CFDP1: variants seen among roughly 807,000 people sequenced by gnomAD.
CFDP1 encodes the protein chromatin remodeling protein CFDP1, also known as heterochromatin-stabilizing protein CFDP1.
CFDP1 carries 31 observed loss-of-function variants against 40.1 expected under a neutral mutation model. The ratio of observed to expected loss-of-function variants is 0.77; its 90% CI spans 0.58 to 1.04. The LOEUF is 1.04. Ranked by LOEUF, CFDP1 falls within the 50% of genes least tolerant of loss-of-function variation. CFDP1 has a pLI of 0.00. For synonymous variants in CFDP1, 167 were observed against 120.0 expected (o/e 1.39, Z -2.56); for missense variants, 423 against 343.4 (o/e 1.23, Z -1.83).
chr16:75,350,348 C>T (rs1335005165), intron 5 of CFDP1, among the ~76,000 whole-genome samples: 1 of 152,152 alleles, frequency 6.6e-6, no homozygotes, highest in Admixed American at 6.5e-5. Context: ...TATATCCAAC[C>T]AGCAAGGTAT....
intron 5 of CFDP1, among the ~76,000 whole-genome samples, chr16:75,337,693 G>GCAC (rs2078498988): frequency 6.6e-6 from 1 of 152,116 alleles, no homozygotes; most frequent in Admixed American, 6.5e-5. Flanking sequence ...AGAAGTGGGA[G>GCAC]GTGCCACACA....
At chr16:75,399,401 T>C (rs1386886637) in intron 4 of CFDP1, among the ~76,000 whole-genome samples, 1 of 152,206 alleles carries the variant, frequency 6.6e-6, no homozygotes, top group East Asian at 1.9e-4. Context: ...AACTGCCACT[T>C]ACATATAGTA....
chr16:75,424,021 G>A (rs999960497), intron 1 of CFDP1, among the ~76,000 whole-genome samples: 7 of 151,768 alleles, frequency 4.6e-5, no homozygotes, highest in African/African-American at 1.7e-4. Flanking sequence ...TCAGAAATTT[G>A]AAAATCAAAC....
At chr16:75,297,168 G>GTGTGTGTGTC (rs1555551801) in intron 6 of CFDP1, among the ~76,000 whole-genome samples, 3 of 94,990 alleles carry the variant, frequency 3.2e-5, no homozygotes, top group African/African-American at 4.8e-5. Context: ...GTGTGTGTCT[G>GTGTGTGTGTC]TGTGTGTGTG....
rs1244930554 is a variant in CFDP1, at chr16:75,380,657, G to A, written c.650+14433C>T. Among the ~76,000 whole-genome samples the A allele has an allele frequency of 3.9e-5, 6 of 152,084 alleles. No individual in the cohort carries two copies. In the East Asian group the frequency reaches 9.6e-4, roughly 24 times the overall value. ...GGAAGAAAGGTCTCTTTTAAGAACCGGAACGAACCCTGGGCCTGCAACCCA... is the reference window on the plus strand; with the variant it reads ...GGAAGAAAGGTCTCTTTTAAGAACCAGAACGAACCCTGGGCCTGCAACCCA... On this transcript the variant is annotated intron_variant, in intron 5 of 6. Coordinates refer to ENST00000283882, the MANE Select transcript of CFDP1 (RefSeq NM_006324.3).
At chr16:75,433,175 G>A (rs1442419635) in intron 1 of CFDP1, 114 bp downstream of exon 1, 21 of 931,600 alleles carry the variant, frequency 2.3e-5, no homozygotes, top group Non-Finnish European at 3.2e-5. Context: ...CTCGAGAACA[G>A]GAGCCCCCCT....
intron 5 of CFDP1, among the ~76,000 whole-genome samples, chr16:75,307,356 C>T (rs1198627269): frequency 6.6e-6 from 1 of 152,022 alleles, no homozygotes; most frequent in Non-Finnish European, 1.5e-5. Context: ...GCTGGGATTA[C>T]AGGCGCCTGC....
chr16:75,381,828 A>C (rs1429937534), intron 5 of CFDP1, among the ~76,000 whole-genome samples: 1 of 152,210 alleles, frequency 6.6e-6, no homozygotes, highest in Non-Finnish European at 1.5e-5. Flanking sequence ...GAGCAGAGGG[A>C]GAATCATCAG....
intron 5 of CFDP1, among the ~76,000 whole-genome samples, chr16:75,352,062 T>C (rs1028570030): frequency 6.9e-5 from 10 of 143,944 alleles, no homozygotes; most frequent in African/African-American, 2.6e-4. Context: ...ATTTATTCGC[T>C]GGGTGCTGTG....
At chr16:75,350,221 T>G (rs765238731) in intron 5 of CFDP1, among the ~76,000 whole-genome samples, 18 of 152,222 alleles carry the variant, frequency 1.2e-4, no homozygotes, top group Non-Finnish European at 2.4e-4. Flanking sequence ...CAAGTTTTTG[T>G]GTGGATATAT....
At chr16:75,358,466 C>A (rs1265958061) in intron 5 of CFDP1, among the ~76,000 whole-genome samples, 2 of 115,274 alleles carry the variant, frequency 1.7e-5, no homozygotes, top group Non-Finnish European at 4.0e-5. Context: ...AAATATTTTA[C>A]ATAAAATGAG....
At chr16:75,428,421 T>G (rs571541315) in intron 1 of CFDP1, among the ~76,000 whole-genome samples, 15 of 151,716 alleles carry the variant, frequency 9.9e-5, no homozygotes, top group Admixed American at 2.6e-4. Context: ...CGAGACCATC[T>G]TGACCAACAA....
intron 6 of CFDP1, among the ~76,000 whole-genome samples, chr16:75,297,166 C>CG (rs2078189067): frequency 7.0e-6 from 1 of 143,362 alleles, no homozygotes; most frequent in Non-Finnish European, 1.5e-5. Context: ...GTGTGTGTGT[C>CG]TGTGTGTGTG....
At chr16:75,370,702 A>C (rs1307527050) in intron 5 of CFDP1, among the ~76,000 whole-genome samples, 2 of 152,014 alleles carry the variant, frequency 1.3e-5, no homozygotes, top group Admixed American at 1.3e-4. Flanking sequence ...GTCTCTACTA[A>C]ACATACAAAA....
At chr16:75,432,857 T>C (rs1006580914) in intron 1 of CFDP1, among the ~76,000 whole-genome samples, 2 of 152,146 alleles carry the variant, frequency 1.3e-5, no homozygotes, top group African/African-American at 4.8e-5. Flanking sequence ...CTATCAGAAC[T>C]TTCTAACAAC....
At chr16:75,303,020 T>C (rs1276724517) in intron 6 of CFDP1, among the ~76,000 whole-genome samples, 1 of 152,114 alleles carries the variant, frequency 6.6e-6, no homozygotes, top group African/African-American at 2.4e-5. Flanking sequence ...CCCAACATGG[T>C]GAAATCCCGT....
intron 6 of CFDP1, among the ~76,000 whole-genome samples, chr16:75,303,242 TG>T (rs1351023899): frequency 6.6e-6 from 1 of 151,310 alleles, no homozygotes; most frequent in Non-Finnish European, 1.5e-5. Flanking sequence ...GGCGCGCGCC[TG>T]TAATCCCAGC....
intron 5 of CFDP1, among the ~76,000 whole-genome samples, chr16:75,346,123 A>C (rs2078561929): frequency 6.6e-6 from 1 of 152,248 alleles, no homozygotes; most frequent in Non-Finnish European, 1.5e-5. Context: ...AATTCTGCTG[A>C]ATCCTCAGTG....
intron 4 of CFDP1, among the ~76,000 whole-genome samples, chr16:75,404,979 T>C (rs2079086167): frequency 6.6e-6 from 1 of 152,222 alleles, no homozygotes; most frequent in South Asian, 2.1e-4. Flanking sequence ...ATCATTTGTA[T>C]ATAGTGCTAT....
Sources: allele counts gnomAD v4.1 joint callset (sites outside exome capture counted in the v4.1 genomes callset), GRCh38; gene constraint gnomAD v4.1.1; transcripts MANE v1.5; gene names NCBI Gene and HGNC (gene_info 2026-07-23, HGNC 2026-07-21).